Variants in SLC16A9 observed in about 807,000 individuals in gnomAD.
SLC16A9 encodes the protein solute carrier family 16 member 9.
In SLC16A9, 26 loss-of-function variants were observed where a neutral mutation model predicts 44.3. The observed-to-expected ratio is 0.59, with a 90% CI of 0.43 to 0.81. SLC16A9 has a LOEUF of 0.81. Among genes scored for constraint, SLC16A9 ranks in the 40% least tolerant of loss-of-function variants. SLC16A9 has a pLI of 0.00. For synonymous variants in SLC16A9, 230 were observed against 225.1 expected (o/e 1.02, Z -0.19); for missense variants, 559 against 595.8 (o/e 0.94, Z 0.64).
intron 4 of SLC16A9, among the ~76,000 whole-genome samples, chr10:59,663,450 C>T (rs1241415187): frequency 4.6e-5 from 7 of 152,134 alleles, no homozygotes; most frequent in Non-Finnish European, 1.0e-4. Context: ...GAGTTTGTGT[C>T]CTTTGCCGGG....
At chr10:59,672,345 A>T (rs1464332033) in intron 3 of SLC16A9, among the ~76,000 whole-genome samples, 1 of 152,192 alleles carries the variant, frequency 6.6e-6, no homozygotes. Flanking sequence ...TCACAGCAAC[A>T]GATGCTATGG....
chr10:59,655,024 G>C (rs1839318131), intron 4 of SLC16A9, among the ~76,000 whole-genome samples: 1 of 152,150 alleles, frequency 6.6e-6, no homozygotes, highest in Admixed American at 6.5e-5. Context: ...GGGTGTGGTG[G>C]CTCAGGCCTG....
intron 1 of SLC16A9, among the ~76,000 whole-genome samples, chr10:59,688,007 C>T (rs1840172245): frequency 6.6e-6 from 1 of 151,518 alleles, no homozygotes; most frequent in Admixed American, 6.6e-5. Flanking sequence ...GAAAAATTTT[C>T]CTTCTTTTCC....
At chr10:59,681,434 TG>T (rs58374287) in intron 2 of SLC16A9, among the ~76,000 whole-genome samples, 3 of 107,360 alleles carry the variant, frequency 2.8e-5, no homozygotes, top group African/African-American at 1.0e-4. Flanking sequence ...TATATGTATA[TG>T]ATGTATATGT....
intron 2 of SLC16A9, among the ~76,000 whole-genome samples, chr10:59,677,697 C>T (rs773541502): frequency 6.6e-6 from 1 of 151,956 alleles, no homozygotes; most frequent in Non-Finnish European, 1.5e-5. Flanking sequence ...AACTAGGCTG[C>T]GAAGTATGGT....
At chr10:59,664,073 G>C (rs1055980153) in intron 4 of SLC16A9, among the ~76,000 whole-genome samples, 154 bp downstream of exon 4, 3 of 149,082 alleles carry the variant, frequency 2.0e-5, no homozygotes, top group African/African-American at 7.3e-5. Flanking sequence ...TATTTATGGT[G>C]TAAAATAAAC....
chr10:59,693,401 A>G (rs988016073), intron 1 of SLC16A9, among the ~76,000 whole-genome samples: 3 of 151,772 alleles, frequency 2.0e-5, no homozygotes, highest in Non-Finnish European at 4.4e-5. Flanking sequence ...AAGTCAAAAA[A>G]ATATACTTAT....
intron 1 of SLC16A9, among the ~76,000 whole-genome samples, chr10:59,684,553 G>A (rs1037015978): frequency 1.3e-5 from 2 of 151,952 alleles, no homozygotes; most frequent in African/African-American, 4.8e-5. Flanking sequence ...ATTATAAAAA[G>A]GCATAAAGTG....
At chr10:59,695,440 T>C (rs1055006491) in intron 1 of SLC16A9, among the ~76,000 whole-genome samples, 1 of 152,172 alleles carries the variant, frequency 6.6e-6, no homozygotes, top group Non-Finnish European at 1.5e-5. Flanking sequence ...ACACAACAAA[T>C]TTACTTTTTA....
intron 2 of SLC16A9, among the ~76,000 whole-genome samples, chr10:59,681,833 G>GA (rs1265344548): frequency 6.7e-5 from 2 of 29,820 alleles, no homozygotes; most frequent in African/African-American, 2.1e-4. Flanking sequence ...ATATGTATAT[G>GA]TATATGATGT....
intron 1 of SLC16A9, among the ~76,000 whole-genome samples, chr10:59,694,060 C>T (rs1236918918): frequency 4.6e-5 from 7 of 152,082 alleles, no homozygotes; most frequent in Admixed American, 4.6e-4. Flanking sequence ...GCCTCAGCCT[C>T]CGGAGTAGCT....
At chr10:59,653,503 A>C (rs1255225992) in intron 5 of SLC16A9, among the ~76,000 whole-genome samples, 172 bp downstream of exon 5, 5 of 151,112 alleles carry the variant, frequency 3.3e-5, no homozygotes, top group African/African-American at 1.2e-4. Context: ...GAGCATGCAT[A>C]TTCGCTTTCT....
At chr10:59,681,517 A>G (rs1588980752) in intron 2 of SLC16A9, among the ~76,000 whole-genome samples, 1 of 121,504 alleles carries the variant, frequency 8.2e-6, no homozygotes, top group Non-Finnish European at 1.7e-5. Context: ...TATGATGTAT[A>G]TGTATATGTG....
At chr10:59,695,526 T>C (rs114181296) in intron 1 of SLC16A9, among the ~76,000 whole-genome samples, 1,901 of 152,152 alleles carry the variant, frequency 0.012, 53 homozygotes, top group African/African-American at 0.043. Context: ...AGCAGCTGCA[T>C]GAGACTTTTC....
chr10:59,655,312 A>C (rs1839326006), intron 4 of SLC16A9, among the ~76,000 whole-genome samples: 1 of 152,158 alleles, frequency 6.6e-6, no homozygotes. Context: ...AACAAACAAA[A>C]AAACCCAAAA....
intron 1 of SLC16A9, among the ~76,000 whole-genome samples, chr10:59,694,672 G>A (rs796990083): frequency 7.6e-4 from 115 of 150,972 alleles, no homozygotes; most frequent in African/African-American, 2.7e-3. Flanking sequence ...GTGATGGTGG[G>A]TGCCTGTAAT....
chr10:59,675,547 A>G (rs1453818361), intron 2 of SLC16A9, among the ~76,000 whole-genome samples: 1 of 152,184 alleles, frequency 6.6e-6, no homozygotes, highest in Non-Finnish European at 1.5e-5. Context: ...GACAGAAAAC[A>G]CCTGGAGCTG....
chr10:59,698,929 A>T (rs557271244), intron 1 of SLC16A9, among the ~76,000 whole-genome samples: 20 of 152,024 alleles, frequency 1.3e-4, no homozygotes, highest in Non-Finnish European at 2.9e-4. Context: ...TTTTTAGTAG[A>T]GATGGGGTTT....
rs1354269842 is a variant in SLC16A9, at chr10:59,654,542, C to T, written c.484G>A (p.Val162Ile). ...CATCCATCCAGTCCATAGAACTCAACCAGCATCCTCTGCAGAGCAGCATAT... is the reference window on the plus strand; with the variant it reads ...CATCCATCCAGTCCATAGAACTCAATCAGCATCCTCTGCAGAGCAGCATAT... ...FIYAALQRML[V>I]EFYGLDGCLL... The change falls in exon 5 of 6, where the codon GTT (valine) becomes ATT (isoleucine). Residue 162 changes from valine (V) to isoleucine (I), a missense_variant. Physicochemically the swap from Val to Ile is conservative, Grantham distance 29. Transcript: ENST00000395348. The T allele has an allele frequency of 1.2e-6, 2 of 1,606,208 alleles. No homozygotes were observed. The highest frequency in any genetic ancestry group is 2.2e-5 in the East Asian group (1 of 44,874).
Sources: gnomAD v4.1 joint callset for allele counts (sites outside exome capture counted in the v4.1 genomes callset) on GRCh38, gnomAD v4.1.1 for gene constraint, MANE v1.5 for transcripts, NCBI Gene and HGNC (gene_info 2026-07-23, HGNC 2026-07-21) for gene names.